SOX1: variants seen among roughly 807,000 people sequenced by gnomAD.
SOX1 encodes transcription factor SOX-1.
Under a neutral mutation model 0.9 loss-of-function variants are expected in SOX1, and 1 was observed. That is an observed-to-expected ratio of 1.07 (90% confidence interval 0.38 to 5.06). SOX1 has a LOEUF of 5.06. Ranked by LOEUF, SOX1 falls within the 30% of genes most tolerant of loss-of-function variation. The probability of loss-of-function intolerance (pLI) is 0.16; values close to 1 mark genes in which losing one functional copy is unlikely to be tolerated. For missense variants in SOX1, 564 were observed against 534.4 expected, an observed-to-expected ratio of 1.06 and a Z score of -0.55; for synonymous variants, 397 against 265.5, an observed-to-expected ratio of 1.50 and a Z score of -4.81.
chr13:112,068,245 TGGCGGCGGCGGC>T lies in SOX1; in HGVS notation c.594_605del (p.Ala201_Ala204del). 1.4e-6 allele frequency: 1 copy of T among 720,032 alleles called. No individual in the cohort carries two copies. The highest frequency in any genetic ancestry group is 1.7e-6 in the Non-Finnish European group (1 of 585,656). The allele number at this position is 720,032 out of a possible 1,614,324, so 44.6% of individuals were successfully genotyped here. ...GCCAACGGCGCCTACCCCGGCTCGG[TGGCGGCGGCGGC>T]GGCGGCCGCGGCCATGATGCAGGAG... is the stretch of plus-strand genomic sequence containing the variant. On this transcript the variant is annotated inframe_deletion, in exon 1 of 1. Transcript: ENST00000330949. This position sits in a 1 kb window ranked among gnomAD's most constrained non-coding sequence, Gnocchi z 6.9.
At position 112,068,090 on chromosome 13, in the gene SOX1, CGGCGCGGGT is replaced by C; in HGVS notation, c.437_445del (p.Ala146_Gly148del). 1 of 1,544,192 alleles carries C rather than the reference CGGCGCGGGT, an allele frequency of 6.5e-7. No homozygotes were observed. The highest frequency in any genetic ancestry group is 8.7e-7 in the Non-Finnish European group (1 of 1,144,398). On this transcript the variant is annotated inframe_deletion, in exon 1 of 1. Transcript: ENST00000330949. This position sits in a 1 kb window ranked among gnomAD's most constrained non-coding sequence, Gnocchi z 6.9. ...CGCTGGCCGGCGGGCTCCTGGCGGC[CGGCGCGGGT>C]GGCGGCGGCGCGGCTGTGGCCATGG...
Position 112,068,449 on chromosome 13 carries a change from G to A in SOX1, c.791G>A (p.Gly264Asp). ...TACAGCCCCATCTCCAACTCGCAGG[G>A]CTACATGAGCGCGTCGCCCTCGGGC... Reference protein sequence around the residue: ...LQYSPISNSQGYMSASPSGYG... With the variant: ...LQYSPISNSQDYMSASPSGYG... The change falls in exon 1 of 1, where the codon GGC becomes GAC. Residue 264 changes from glycine (G) to aspartate (D), a missense_variant. By Grantham distance (94) the Gly-to-Asp change is moderately conservative. Transcript: ENST00000330949. This position sits in a 1 kb window ranked among gnomAD's most constrained non-coding sequence, Gnocchi z 6.9. 1 of 1,216,906 alleles carries A rather than the reference G, an allele frequency of 8.2e-7. No homozygotes were observed. Among genetic ancestry groups the A allele is most frequent in the Admixed American group, 3.0e-5 (1 of 32,844 alleles). 75.4% of individuals were successfully genotyped at this position (1,216,906 alleles called of 1,614,324 possible). A position where few individuals can be genotyped will look rare whatever the true frequency, so the allele number is the denominator to read the frequency against.
Position 112,067,775 on chromosome 13 carries a change from C to G in SOX1, c.117C>G (p.Gly39=), listed in dbSNP as rs1307355828. Residue 39 remains glycine (G), a synonymous_variant, in exon 1 of 1, where the codon GGC becomes GGG. Transcript: ENST00000330949. The surrounding 1 kb of genome is among the most constrained non-coding windows in gnomAD (Gnocchi z 5.1). The stretch of plus-strand genomic sequence containing the variant: ...GCGGGGGCGGAGGCGGGGGCGGCGG[C>G]GGCGGCGGGGGCGCCAAGGCCAACC... ...GGGGGGGGGG[G]GGGGAKANQD... 1 of 1,308,008 alleles carries G rather than the reference C, an allele frequency of 7.6e-7. No homozygotes were observed. Among genetic ancestry groups the G allele is most frequent in the Non-Finnish European group, 9.8e-7 (1 of 1,021,610 alleles). 81.0% of individuals were successfully genotyped at this position (1,308,008 alleles called of 1,614,324 possible). A position where few individuals can be genotyped will look rare whatever the true frequency, so the allele number is the denominator to read the frequency against.
Position 112,068,021 on chromosome 13 carries a change from G to A in SOX1, c.363G>A (p.Arg121=), listed in dbSNP as rs748535276. 1.9e-6 allele frequency: 3 copies of A among 1,605,484 alleles called. No individual in the cohort carries two copies. The South Asian group carries it at 3.3e-5, about 18-fold the overall frequency. The change falls in exon 1 of 1, where the codon CGG becomes CGA. Residue 121 remains arginine (R), a synonymous_variant. Transcript: ENST00000330949. This position sits in a 1 kb window ranked among gnomAD's most constrained non-coding sequence, Gnocchi z 6.9. ...HMKEHPDYKY[R]PRRKTKTLLK... ...AGGAGCACCCGGATTACAAGTACCG[G>A]CCGCGCCGCAAGACCAAGACGCTGC...
chr13:112,068,785 A>AGGACGC lies in SOX1; in HGVS notation c.1129_1130insACGCGG (p.Gln376_Gly377insAspAla). 5.1e-6 allele frequency: 6 copies of AGGACGC among 1,168,710 alleles called. No homozygotes were observed. The highest frequency in any genetic ancestry group is 6.4e-6 in the Non-Finnish European group (6 of 935,424). The allele number at this position is 1,168,710 out of a possible 1,614,324, so 72.4% of individuals were successfully genotyped here. A position where few individuals can be genotyped will look rare whatever the true frequency, so the allele number is the denominator to read the frequency against. On this transcript the variant is annotated inframe_insertion, in exon 1 of 1. Coordinates refer to ENST00000330949, the MANE Select transcript of SOX1 (RefSeq NM_005986.3). This position sits in a 1 kb window ranked among gnomAD's most constrained non-coding sequence, Gnocchi z 6.9. ...CTGCACTCGCTGCCGCAGCACTACC[A>AGGACGC]GGGCGCGGGCGCGGGCGTGAACGGC...
At position 112,069,762 on chromosome 13, in the gene SOX1, C is replaced by G. The variant is rs1880838319; in HGVS notation, c.*928C>G. 6.1e-6 allele frequency: 1 copy of G among 164,498 alleles called. No individual in the cohort carries two copies. The highest frequency in any genetic ancestry group is 6.6e-5 in the Admixed American group (1 of 15,108). The allele number at this position is 164,498 out of a possible 1,614,324, so 10.2% of individuals were successfully genotyped here. The stretch of plus-strand genomic sequence containing the variant: ...AAGGGAACCCCGGGGAATGGGAGGA[C>G]AGGATTTTTCAAGGAACCTTTTTCA... On this transcript the variant is annotated 3_prime_UTR_variant, in exon 1 of 1. Coordinates refer to ENST00000330949, the MANE Select transcript of SOX1 (RefSeq NM_005986.3).
In SOX1 at chr13:112,067,177, G is replaced by A. The variant is rs1329335551; in HGVS notation, c.-482G>A. 2.7e-5 allele frequency among the ~76,000 whole-genome samples: 4 copies of A among 147,664 alleles called. No homozygotes were observed. The South Asian group carries it at 6.5e-4, about 24-fold the overall frequency. On this transcript the variant is annotated 5_prime_UTR_variant, in exon 1 of 1. Coordinates refer to ENST00000330949, the MANE Select transcript of SOX1 (RefSeq NM_005986.3). This position sits in a 1 kb window ranked among gnomAD's most constrained non-coding sequence, Gnocchi z 5.1. Reference sequence around the variant, plus strand: ...ACATGCCCAGCGCACGCGGCGCGCCGCCCTGCTAGAAGTTGCAGCCTCCGA... The same window carrying A: ...ACATGCCCAGCGCACGCGGCGCGCCACCCTGCTAGAAGTTGCAGCCTCCGA...
At position 112,068,328 on chromosome 13, in the gene SOX1, C is replaced by A; in HGVS notation, c.670C>A (p.Pro224Thr). The change falls in exon 1 of 1, where the codon CCG (proline) becomes ACG (threonine). Residue 224 changes from proline (P) to threonine (T), a missense_variant. Physicochemically the swap from Pro to Thr is conservative, Grantham distance 38. Transcript: ENST00000330949. This position sits in a 1 kb window ranked among gnomAD's most constrained non-coding sequence, Gnocchi z 6.9. ...GQHPGAGGAH[P>T]HAHPAHPHPH... Reference sequence around the variant, plus strand: ...GCACCCGGGCGCGGGCGGCGCGCACCCGCACGCGCACCCCGCGCACCCGCA... The same window carrying A: ...GCACCCGGGCGCGGGCGGCGCGCACACGCACGCGCACCCCGCGCACCCGCA... 1 of 1,141,144 alleles carries A rather than the reference C, an allele frequency of 8.8e-7. No homozygotes were observed. Among genetic ancestry groups the A allele is most frequent in the Non-Finnish European group, 1.1e-6 (1 of 922,774 alleles). 70.7% of individuals were successfully genotyped at this position (1,141,144 alleles called of 1,614,324 possible).
Position 112,068,818 on chromosome 13 carries a change from C to T in SOX1, c.1160C>T (p.Pro387Leu). Reference sequence around the variant, plus strand: ...GGCGCGGGCGTGAACGGCACGGTGCCCCTGACGCACATCTAGCGCCTTCGG... The same window carrying T: ...GGCGCGGGCGTGAACGGCACGGTGCTCCTGACGCACATCTAGCGCCTTCGG... ...GAGAGVNGTV[P>L]LTHI Residue 387 changes from proline to leucine, a missense_variant, in exon 1 of 1, where the codon CCC becomes CTC. By Grantham distance (98) the Pro-to-Leu change is moderately conservative. Transcript: ENST00000330949. This position sits in a 1 kb window ranked among gnomAD's most constrained non-coding sequence, Gnocchi z 6.9. 1.6e-6 allele frequency: 2 copies of T among 1,227,942 alleles called. No individual in the cohort carries two copies. Among genetic ancestry groups the T allele is most frequent in the African/African-American group, 1.6e-5 (1 of 63,456 alleles). 76.1% of individuals were successfully genotyped at this position (1,227,942 alleles called of 1,614,324 possible). A position where few individuals can be genotyped will look rare whatever the true frequency, so the allele number is the denominator to read the frequency against.
chr13:112,068,115 GTGGCCA>G lies in SOX1; in HGVS notation c.461_466del (p.Ala154_Met155del), dbSNP rs772053141. The stretch of plus-strand genomic sequence containing the variant: ...CGGCGCGGGTGGCGGCGGCGCGGCT[GTGGCCA>G]TGGGCGTGGGCGTGGGCGTGGGCGC... On this transcript the variant is annotated inframe_deletion, in exon 1 of 1. Coordinates refer to ENST00000330949, the MANE Select transcript of SOX1 (RefSeq NM_005986.3). The surrounding 1 kb of genome is among the most constrained non-coding windows in gnomAD (Gnocchi z 6.9). 1.2e-5 allele frequency: 16 copies of G among 1,359,576 alleles called. No individual in the cohort carries two copies. The highest frequency in any genetic ancestry group is 3.3e-5 in the East Asian group (1 of 30,524). 84.2% of individuals were successfully genotyped at this position (1,359,576 alleles called of 1,614,324 possible).
rs1271154499 is a variant in SOX1, at chr13:112,071,583, C to CT, written c.*2750dup. On this transcript the variant is annotated 3_prime_UTR_variant, in exon 1 of 1. Transcript: ENST00000330949. ...AGTGGAGAAAAGATTACAGTAGGCC[C>CT]TGAGCCGACTGTGAATTCGGTGCTT... is the stretch of plus-strand genomic sequence containing the variant. Among the ~76,000 whole-genome samples, 2 of 152,118 alleles carry CT rather than the reference C, an allele frequency of 1.3e-5. No individual in the cohort carries two copies. Among genetic ancestry groups the CT allele is most frequent in the African/African-American group, 4.8e-5 (2 of 41,412 alleles).
chr13:112,070,567 C>G lies in SOX1; in HGVS notation c.*1733C>G, dbSNP rs1266785426. Reference sequence around the variant, plus strand: ...TTTTGGAAAAAAAAAACACTTGAAGCCCAGATGGAAATACGTTTATTTCAG... The same window carrying G: ...TTTTGGAAAAAAAAAACACTTGAAGGCCAGATGGAAATACGTTTATTTCAG... On this transcript the variant is annotated 3_prime_UTR_variant, in exon 1 of 1. Transcript: ENST00000330949. 6.0e-6 allele frequency: 1 copy of G among 166,726 alleles called. No individual in the cohort carries two copies. The highest frequency in any genetic ancestry group is 2.4e-5 in the African/African-American group (1 of 41,326). The allele number at this position is 166,726 out of a possible 1,614,324, so 10.3% of individuals were successfully genotyped here.
Position 112,068,067 on chromosome 13 carries a change from C to T in SOX1, c.409C>T (p.Leu137=), listed in dbSNP as rs1258992710. 1.9e-6 allele frequency: 3 copies of T among 1,576,914 alleles called. No homozygotes were observed. Among genetic ancestry groups the T allele is most frequent in the Non-Finnish European group, 2.6e-6 (3 of 1,161,630 alleles). Residue 137 remains leucine, a synonymous_variant, in exon 1 of 1, where the codon CTG becomes TTG. Transcript: ENST00000330949. This position sits in a 1 kb window ranked among gnomAD's most constrained non-coding sequence, Gnocchi z 6.9. ...GCTGCTCAAGAAGGACAAGTACTCG[C>T]TGGCCGGCGGGCTCCTGGCGGCCGG... is the stretch of plus-strand genomic sequence containing the variant. ...KTLLKKDKYS[L]AGGLLAAGAG... is the part of the protein sequence containing the mutation.
Position 112,067,847 on chromosome 13 carries a change from C to G in SOX1, c.189C>G (p.Arg63=), listed in dbSNP as rs1397009989. Residue 63 remains arginine, a synonymous_variant, in exon 1 of 1, where the codon CGC becomes CGG. Coordinates refer to ENST00000330949, the MANE Select transcript of SOX1 (RefSeq NM_005986.3). The surrounding 1 kb of genome is among the most constrained non-coding windows in gnomAD (Gnocchi z 5.1). The stretch of plus-strand genomic sequence containing the variant: ...TGAACGCCTTCATGGTGTGGTCCCG[C>G]GGGCAGCGGCGCAAGATGGCCCAGG... The part of the protein sequence containing the change: ...RPMNAFMVWS[R]GQRRKMAQEN... The G allele has an allele frequency of 3.0e-5, 48 of 1,602,230 alleles. No individual in the cohort carries two copies. Among genetic ancestry groups the G allele is most frequent in the Non-Finnish European group, 3.7e-5 (44 of 1,174,534 alleles).
At position 112,068,649 on chromosome 13, in the gene SOX1, C is replaced by T; in HGVS notation, c.991C>T (p.His331Tyr). The change falls in exon 1 of 1, where the codon CAC becomes TAC. Residue 331 changes from histidine to tyrosine, a missense_variant. His to Tyr is a moderately conservative substitution (Grantham distance 83). Transcript: ENST00000330949. The surrounding 1 kb of genome is among the most constrained non-coding windows in gnomAD (Gnocchi z 6.9). Reference sequence around the variant, plus strand: ...CAGCGGCAGCCCGCCCGCCCCAGCGCACTCGCGGGCGCCGTGCCCCGGGGA... The same window carrying T: ...CAGCGGCAGCCCGCCCGCCCCAGCGTACTCGCGGGCGCCGTGCCCCGGGGA... ...EPSGSPPAPA[H>Y]SRAPCPGDLR... 1.7e-6 allele frequency: 2 copies of T among 1,161,602 alleles called. No individual in the cohort carries two copies. Among genetic ancestry groups the T allele is most frequent in the Non-Finnish European group, 2.1e-6 (2 of 943,074 alleles). 72.0% of individuals were successfully genotyped at this position (1,161,602 alleles called of 1,614,324 possible).
rs1880776436 is a variant in SOX1 at position 112,068,169 on chromosome 13, G to C, written c.511G>C (p.Glu171Gln). ...CGCGGCGGCCGTGGGCCAGCGCCTG[G>C]AGAGCCCAGGCGGCGCGGCGGGCGG... ...VGAAAVGQRL[E>Q]SPGGAAGGGY... The change falls in exon 1 of 1, where the codon GAG (glutamate) becomes CAG (glutamine). Residue 171 changes from glutamate (E) to glutamine (Q), a missense_variant. Transcript: ENST00000330949. This position sits in a 1 kb window ranked among gnomAD's most constrained non-coding sequence, Gnocchi z 6.9. 1 of 910,886 alleles carries C rather than the reference G, an allele frequency of 1.1e-6. No homozygotes were observed. The highest frequency in any genetic ancestry group is 1.8e-5 in the African/African-American group (1 of 54,904). The allele number at this position is 910,886 out of a possible 1,614,324, so 56.4% of individuals were successfully genotyped here.
rs1397719706 is a variant in SOX1 at position 112,068,251 on chromosome 13, C to T, written c.593C>T (p.Ala198Val). 4 of 750,846 alleles carry T rather than the reference C, an allele frequency of 5.3e-6. No homozygotes were observed. Among genetic ancestry groups the T allele is most frequent in the Non-Finnish European group, 4.9e-6 (3 of 611,336 alleles). The allele number at this position is 750,846 out of a possible 1,614,324, so 46.5% of individuals were successfully genotyped here. ...GGCGCCTACCCCGGCTCGGTGGCGG[C>T]GGCGGCGGCGGCCGCGGCCATGATG... is the stretch of plus-strand genomic sequence containing the variant. ...ANGAYPGSVA[A>V]AAAAAAMMQE... The change falls in exon 1 of 1, where the codon GCG becomes GTG. Residue 198 changes from alanine (A) to valine (V), a missense_variant. Physicochemically the swap from Ala to Val is moderately conservative, Grantham distance 64 (BLOSUM62 0). Transcript: ENST00000330949. The surrounding 1 kb of genome is among the most constrained non-coding windows in gnomAD (Gnocchi z 6.9).
chr13:112,070,858 C>T lies in SOX1; in HGVS notation c.*2024C>T, dbSNP rs1042995705. ...CACTGCTTTCTAACAAGATAATAAA[C>T]CCCCCCCCTCTTTTCTTTTTCTTTA... On this transcript the variant is annotated 3_prime_UTR_variant, in exon 1 of 1. Transcript: ENST00000330949. 5.6e-5 allele frequency among the ~76,000 whole-genome samples: 6 copies of T among 106,352 alleles called. No individual in the cohort carries two copies. The highest frequency in any genetic ancestry group is 5.2e-4 in the Admixed American group (6 of 11,488). 69.8% of individuals were successfully genotyped at this position (106,352 alleles called of 152,430 possible). A position where few individuals can be genotyped will look rare whatever the true frequency, so the allele number is the denominator to read the frequency against.
rs1391079328 is a variant in SOX1, at chr13:112,071,621, A to G, written c.*2787A>G. Among the ~76,000 whole-genome samples the G allele has an allele frequency of 6.6e-6, 1 of 152,046 alleles. No individual in the cohort carries two copies. The highest frequency in any genetic ancestry group is 1.5e-5 in the Non-Finnish European group (1 of 68,002). ...GAATTCGGTGCTTGGCCAAGGTAAC[A>G]CTCATCGTATTCACGGAGTGAAATA... On this transcript the variant is annotated 3_prime_UTR_variant, in exon 1 of 1. Coordinates refer to ENST00000330949, the MANE Select transcript of SOX1 (RefSeq NM_005986.3).
Sources: allele counts gnomAD v4.1 joint callset (sites outside exome capture counted in the v4.1 genomes callset), GRCh38; gene constraint gnomAD v4.1.1; non-coding constraint Gnocchi (gnomAD v3.1); transcripts MANE v1.5; gene names NCBI Gene and HGNC (gene_info 2026-07-23, HGNC 2026-07-21).